NBPF9: variants seen among roughly 807,000 people sequenced by gnomAD.
NBPF9 encodes NBPF family member NBPF9.
In NBPF9, 91 loss-of-function variants were observed where a neutral mutation model predicts 97.8. The ratio of observed to expected loss-of-function variants is 0.93; its 90% CI spans 0.79 to 1.11. The LOEUF (loss-of-function observed/expected upper bound fraction) is 1.11. Ranked by LOEUF, NBPF9 falls within the 50% of genes least tolerant of loss-of-function variation. The pLI is 0.00. For missense variants in NBPF9, 992 were observed against 939.5 expected (o/e 1.06, Z -0.73); for synonymous variants, 334 against 359.5 (o/e 0.93, Z 0.80).
chr1:149,081,557 C>G (rs77830750), intron 7 of NBPF9, among the ~76,000 whole-genome samples: 10 of 152,026 alleles, frequency 6.6e-5, no homozygotes, highest in Non-Finnish European at 8.8e-5. Context: ...AGCTTTGCCT[C>G]TTGGGCCTCA....
intron 2 of NBPF9, among the ~76,000 whole-genome samples, chr1:149,102,104 AT>A (rs2152928727): frequency 9.7e-6 from 1 of 103,196 alleles, no homozygotes; most frequent in African/African-American, 3.9e-5. Context: ...AACTTTTGTA[AT>A]TTTAGTAGAG....
chr1:149,070,722 G>C (rs1232617841), intron 16 of NBPF9, among the ~76,000 whole-genome samples: 1 of 152,076 alleles, frequency 6.6e-6, no homozygotes, highest in Non-Finnish European at 1.5e-5. Flanking sequence ...CTATGAGATT[G>C]TCACACTTGC....
rs1358904545 is a variant in NBPF9, at chr1:149,067,306, A to G, written c.1638-1617T>C. Among the ~76,000 whole-genome samples, 30 of 117,196 alleles carry G rather than the reference A, an allele frequency of 2.6e-4. 5 individuals are homozygous for G. In the South Asian group the frequency reaches 3.8e-3, roughly 15 times the overall value. The allele number at this position is 117,196 out of a possible 152,430, so 76.9% of individuals were successfully genotyped here. ...TTTATTATTTTTTGTGTGTATGTGT[A>G]TATATATATATATATTTTTAATACT... On this transcript the variant is annotated intron_variant, in intron 17 of 29. Transcript: ENST00000584027.
chr1:149,088,849 C>T (rs2081218668), intron 5 of NBPF9, among the ~76,000 whole-genome samples: 1 of 151,696 alleles, frequency 6.6e-6, no homozygotes, highest in Non-Finnish European at 1.5e-5. Flanking sequence ...GATCCAATCT[C>T]CCCTCAGTCA....
At chr1:149,076,668 A>ATT (rs200537943) in intron 11 of NBPF9, among the ~76,000 whole-genome samples, 36 of 129,460 alleles carry the variant, frequency 2.8e-4, no homozygotes, top group African/African-American at 5.4e-4. Context: ...ACGCCCAGCT[A>ATT]TTTTTTTTTT....
intron 5 of NBPF9, among the ~76,000 whole-genome samples, chr1:149,087,203 G>A (rs782090893): frequency 6.6e-6 from 1 of 151,268 alleles, no homozygotes; most frequent in African/African-American, 2.4e-5. Flanking sequence ...TTGAGAAATT[G>A]TTTCAATGTG....
chr1:149,088,440 T>C (rs1295100241), intron 5 of NBPF9, among the ~76,000 whole-genome samples: 4,876 of 152,238 alleles, frequency 0.032, 134 homozygotes, highest in African/African-American at 0.088. Flanking sequence ...TAATGCTGAA[T>C]TAGAAGAGTA....
chr1:149,070,539 G>A (rs1227111056), intron 16 of NBPF9, among the ~76,000 whole-genome samples: 1 of 150,428 alleles, frequency 6.6e-6, no homozygotes, highest in Non-Finnish European at 1.5e-5. Context: ...AGTGAAGCCT[G>A]GGGAACGATA....
intron 16 of NBPF9, among the ~76,000 whole-genome samples, chr1:149,070,320 C>CAA (rs3979925): frequency 0.015 from 706 of 47,758 alleles, 14 homozygotes; most frequent in East Asian, 0.14. Context: ...GACTCCATCG[C>CAA]AAAAAAAAAA....
intron 4 of NBPF9, among the ~76,000 whole-genome samples, chr1:149,092,518 C>A (rs2081475866): frequency 8.1e-6 from 1 of 124,114 alleles, no homozygotes. Context: ...CCAGCCCATT[C>A]CCGGATTTTA....
exon 4 of NBPF9, chr1:149,098,533 T>C (rs1312127430): frequency 3.3e-5 from 49 of 1,497,790 alleles, no homozygotes; most frequent in South Asian, 2.2e-4. Context: ...CCTCGGAGAG[T>C]CCACTGGAAG....
intron 5 of NBPF9, among the ~76,000 whole-genome samples, chr1:149,085,316 G>T (rs2080900704): frequency 6.6e-6 from 1 of 152,030 alleles, no homozygotes; most frequent in African/African-American, 2.4e-5. Context: ...CTTTCACTTT[G>T]ATATATTTAT....
exon 30 of NBPF9, chr1:149,055,515 G>A (rs879985191): frequency 8.4e-6 from 13 of 1,541,518 alleles, no homozygotes; most frequent in African/African-American, 1.4e-5. Context: ...CACTGGCATG[G>A]TTTGAGAATA....
At chr1:149,065,689 C>A (rs1553651565) in exon 18 of NBPF9, 2 of 1,572,636 alleles carry the variant, frequency 1.3e-6, no homozygotes, top group South Asian at 1.1e-5. Context: ...CCTGCAGATT[C>A]CTGATGAGCC....
At chr1:149,064,715 G>T (rs1334653854) in intron 18 of NBPF9, 60 of 617,760 alleles carry the variant, frequency 9.7e-5, no homozygotes, top group Non-Finnish European at 1.6e-4. Context: ...TTCCCTATGT[G>T]CTCTGTCCTA....
In NBPF9 at chr1:149,075,026, G is replaced by C. The variant is rs587631017; in HGVS notation, c.988+629C>G. Among the ~76,000 whole-genome samples, 173 of 151,314 alleles carry C rather than the reference G, an allele frequency of 1.1e-3. 1 individual carries two copies. The highest frequency in any genetic ancestry group is 3.9e-3 in the African/African-American group (162 of 41,414). On this transcript the variant is annotated intron_variant, in intron 12 of 29. Transcript: ENST00000584027. Reference sequence around the variant, plus strand: ...GGGGTTTCTCCATGTTGCCCAGGCTGGTCTCAAACTCCTGACCTCATGATC... The same window carrying C: ...GGGGTTTCTCCATGTTGCCCAGGCTCGTCTCAAACTCCTGACCTCATGATC...
intron 5 of NBPF9, among the ~76,000 whole-genome samples, chr1:149,088,565 G>A (rs2152918862): frequency 6.6e-6 from 1 of 152,216 alleles, no homozygotes; most frequent in East Asian, 1.9e-4. Flanking sequence ...GGTTGGAAGT[G>A]TTGCCTTCTG....
At chr1:149,061,849 G>A (rs1438317529) in intron 22 of NBPF9, 1 of 367,046 alleles carries the variant, frequency 2.7e-6, no homozygotes, top group Non-Finnish European at 4.8e-6. Context: ...GGTCCAATGT[G>A]CTGAGAGCGG....
intron 18 of NBPF9, chr1:149,064,865 C>T (rs587651768): frequency 1.9e-6 from 1 of 531,886 alleles, no homozygotes; most frequent in Non-Finnish European, 3.3e-6. Context: ...AGATTGTGGA[C>T]ACAGAGATTT....
Sources: allele counts gnomAD v4.1 joint callset (sites outside exome capture counted in the v4.1 genomes callset), GRCh38; gene constraint gnomAD v4.1.1; transcripts MANE v1.5; gene names NCBI Gene and HGNC (gene_info 2026-07-23, HGNC 2026-07-21).